PALS2: variants seen among roughly 807,000 people sequenced by gnomAD.
The protein encoded by PALS2 is protein PALS2.
Under a neutral mutation model 61.6 loss-of-function variants are expected in PALS2, and 27 were observed. That is an observed-to-expected ratio of 0.44 (90% CI 0.32 to 0.60). The LOEUF (loss-of-function observed/expected upper bound fraction) is 0.60. Ranked by LOEUF, PALS2 falls within the 20% of genes least tolerant of loss-of-function variation. The pLI, the probability that PALS2 is intolerant of heterozygous loss-of-function variation, is 0.05. For missense variants in PALS2, 554 were observed against 639.4 expected (o/e 0.87, Z 1.44); for synonymous variants, 236 against 218.6 (o/e 1.08, Z -0.70).
At position 24,687,226 on chromosome 7, in the gene PALS2, C is replaced by G. The variant is rs187893143; in HGVS notation, c.1447-212C>G. On this transcript the variant is annotated intron_variant, in intron 11 of 11. Transcript: ENST00000222644. The surrounding 1 kb of genome is among the most constrained non-coding windows in gnomAD (Gnocchi z 4.5). Reference sequence around the variant, plus strand: ...TAAGTGAGGCAAAAGATGCAGAATACTCATAAATGTAAACATGAGTGTTGT... The same window carrying G: ...TAAGTGAGGCAAAAGATGCAGAATAGTCATAAATGTAAACATGAGTGTTGT... Among the ~76,000 whole-genome samples, 429 of 152,236 alleles carry G rather than the reference C, an allele frequency of 2.8e-3. 1 individual carries two copies. The highest frequency in any genetic ancestry group is 4.1e-3 in the Admixed American group (62 of 15,284).
chr7:24,650,067 TACTG>T (rs1304084853), intron 4 of PALS2, among the ~76,000 whole-genome samples: 4 of 152,120 alleles, frequency 2.6e-5, no homozygotes, highest in African/African-American at 9.7e-5. Flanking sequence ...TTTGAAGAAA[TACTG>T]ACAGTATCAA....
At chr7:24,631,389 A>G (rs768533057) in intron 2 of PALS2, among the ~76,000 whole-genome samples, 4 of 152,206 alleles carry the variant, frequency 2.6e-5, no homozygotes, top group Non-Finnish European at 5.9e-5. Context: ...ACATTGCTGC[A>G]ATGTCATGAT....
At chr7:24,615,099 A>C (rs188477188) in intron 1 of PALS2, among the ~76,000 whole-genome samples, 2 of 152,098 alleles carry the variant, frequency 1.3e-5, no homozygotes, top group East Asian at 3.9e-4. Flanking sequence ...ACAAATAAAA[A>C]TAGAAACACA....
At chr7:24,643,864 G>C (rs1241772968) in intron 3 of PALS2, among the ~76,000 whole-genome samples, 1 of 152,124 alleles carries the variant, frequency 6.6e-6, no homozygotes, top group African/African-American at 2.4e-5. Context: ...GTGATACGAT[G>C]CAACATGAAT....
At chr7:24,607,632 C>CAT (rs1376021618) in intron 1 of PALS2, among the ~76,000 whole-genome samples, 5 of 147,766 alleles carry the variant, frequency 3.4e-5, no homozygotes, top group South Asian at 4.2e-4. Context: ...TGTATATATA[C>CAT]ATATATGTAT....
At chr7:24,656,976 G>T (rs1010870884) in intron 5 of PALS2, among the ~76,000 whole-genome samples, 2 of 152,134 alleles carry the variant, frequency 1.3e-5, no homozygotes, top group Non-Finnish European at 2.9e-5. Flanking sequence ...TGGAATACCT[G>T]TATTCTTTTT....
chr7:24,580,100 A>T (rs577899300), intron 1 of PALS2, among the ~76,000 whole-genome samples: 11 of 152,284 alleles, frequency 7.2e-5, no homozygotes, highest in African/African-American at 2.4e-4. Flanking sequence ...CTGTGGTGGA[A>T]CTCAGAGGGG....
chr7:24,638,574 G>A (rs1219345132), intron 2 of PALS2, among the ~76,000 whole-genome samples: 3 of 44,762 alleles, frequency 6.7e-5, no homozygotes, highest in South Asian at 9.4e-4. Context: ...CTCGTGATCC[G>A]CCCGCCTCGG....
At chr7:24,578,274 C>G (rs575258072) in intron 1 of PALS2, among the ~76,000 whole-genome samples, 4 of 152,308 alleles carry the variant, frequency 2.6e-5, no homozygotes, top group Admixed American at 6.5e-5. Flanking sequence ...TTGATTAACA[C>G]TATATTTCAA....
At chr7:24,617,556 G>T (rs1330924005) in intron 1 of PALS2, among the ~76,000 whole-genome samples, 4 of 152,166 alleles carry the variant, frequency 2.6e-5, no homozygotes, top group African/African-American at 9.7e-5. Context: ...TATTGGTTGC[G>T]TGGGGTGCAT....
chr7:24,623,193 C>G (rs1784593835), intron 1 of PALS2, among the ~76,000 whole-genome samples: 1 of 138,332 alleles, frequency 7.2e-6, no homozygotes, highest in Admixed American at 7.2e-5. Context: ...GTGTTTCCTT[C>G]TCTTCCGTTT....
chr7:24,678,354 A>G (rs909601282), intron 9 of PALS2, among the ~76,000 whole-genome samples: 12 of 152,174 alleles, frequency 7.9e-5, no homozygotes, highest in Non-Finnish European at 1.6e-4. Context: ...CAGAAATAAT[A>G]TGTCAGGTCA....
chr7:24,629,736 A>T (rs564905438), intron 2 of PALS2, among the ~76,000 whole-genome samples: 1 of 152,378 alleles, frequency 6.6e-6, no homozygotes, highest in South Asian at 2.1e-4. Context: ...AATGCTCATC[A>T]TCACTGGTCA....
At chr7:24,606,772 C>A (rs1220583022) in intron 1 of PALS2, among the ~76,000 whole-genome samples, 1 of 151,874 alleles carries the variant, frequency 6.6e-6, no homozygotes, top group East Asian at 1.9e-4. Flanking sequence ...GGTTGAGTAT[C>A]CCTAATCTGA....
chr7:24,601,687 T>A (rs1416380290), intron 1 of PALS2, among the ~76,000 whole-genome samples: 1 of 152,122 alleles, frequency 6.6e-6, no homozygotes, highest in Non-Finnish European at 1.5e-5. Context: ...TTGTGAAACC[T>A]TATGAGCAAG....
Position 24,641,838 on chromosome 7 carries a change from G to A in PALS2, c.240G>A (p.Leu80=). 2 of 1,612,810 alleles carry A rather than the reference G, an allele frequency of 1.2e-6. No individual in the cohort carries two copies. The highest frequency in any genetic ancestry group is 1.7e-6 in the Non-Finnish European group (2 of 1,179,626). ...LINVDENVAE[L]VGILKEPHFQ... is the part of the protein sequence containing the mutation. ...ATGTGGATGAAAATGTGGCAGAATT[G>A]GTTGGTATACTCAAAGAACCTCACT... The change falls in exon 3 of 12, where the codon TTG becomes TTA. Residue 80 remains leucine, a synonymous_variant. Coordinates refer to ENST00000222644, the MANE Select transcript of PALS2 (RefSeq NM_001303037.2).
At chr7:24,610,893 T>C (rs916348469) in intron 1 of PALS2, among the ~76,000 whole-genome samples, 1 of 152,126 alleles carries the variant, frequency 6.6e-6, no homozygotes, top group Non-Finnish European at 1.5e-5. Context: ...GCAACATGGA[T>C]CTGGTGAAAT....
At position 24,689,923 on chromosome 7, in the gene PALS2, C is replaced by A. The variant is rs1788392086; in HGVS notation, c.*2309C>A. ...AACAGCTTTGGGATAATTATAGCAG[C>A]ACAAGAAGTTTATCTGCAAAATATT... On this transcript the variant is annotated 3_prime_UTR_variant, in exon 12 of 12. Transcript: ENST00000222644. 1 of 152,128 alleles carries A rather than the reference C, an allele frequency of 6.6e-6. No homozygotes were observed. Among genetic ancestry groups the A allele is most frequent in the Non-Finnish European group, 1.5e-5 (1 of 68,020 alleles). 9.4% of individuals were successfully genotyped at this position (152,128 alleles called of 1,614,324 possible).
intron 1 of PALS2, among the ~76,000 whole-genome samples, chr7:24,611,099 C>T (rs999655285): frequency 8.5e-5 from 13 of 152,086 alleles, no homozygotes; most frequent in Non-Finnish European, 1.9e-4. Context: ...AGCTCATTTA[C>T]TTACAGTTCT....
Sources: gnomAD v4.1 joint callset for allele counts (sites outside exome capture counted in the v4.1 genomes callset) on GRCh38, gnomAD v4.1.1 for gene constraint, Gnocchi (gnomAD v3.1) non-coding constraint, MANE v1.5 for transcripts, NCBI Gene and HGNC (gene_info 2026-07-23, HGNC 2026-07-21) for gene names.